The following SPTLC1 variants were observed in gnomAD, a reference collection of about 807,000 sequenced individuals.
The protein encoded by SPTLC1 is serine palmitoyltransferase 1.
In SPTLC1, 55 loss-of-function variants were observed where a neutral mutation model predicts 68.9. The ratio of observed to expected loss-of-function variants is 0.80; its 90% confidence interval spans 0.64 to 1.00. SPTLC1 has a LOEUF of 1.00. SPTLC1 is among the 50% of genes least tolerant of loss of function. The probability of loss-of-function intolerance (pLI) is 0.00; values close to 1 mark genes in which losing one functional copy is unlikely to be tolerated. For missense variants in SPTLC1, 449 were observed against 573.1 expected (o/e 0.78, Z 2.21); for synonymous variants, 197 against 201.6 (o/e 0.98, Z 0.19).
chr9:92,063,619 A>T (rs1405325867), intron 6 of SPTLC1, among the ~76,000 whole-genome samples: 1 of 152,172 alleles, frequency 6.6e-6, no homozygotes, highest in East Asian at 1.9e-4. Flanking sequence ...AAGACTGGCA[A>T]ATCGAATTTA....
chr9:92,033,970 C>A (rs1217739577), intron 14 of SPTLC1, among the ~76,000 whole-genome samples: 4 of 152,228 alleles, frequency 2.6e-5, no homozygotes, highest in Admixed American at 6.5e-5. Context: ...GCCTCCCTGA[C>A]TTGGCACCTG....
chr9:92,037,356 T>C (rs1439419102), intron 13 of SPTLC1, among the ~76,000 whole-genome samples: 1 of 152,202 alleles, frequency 6.6e-6, no homozygotes, highest in Non-Finnish European at 1.5e-5. Flanking sequence ...ATCATGCCCA[T>C]TTTCATTCTC....
chr9:92,104,290 T>C (rs1835870533), intron 3 of SPTLC1: 2 of 1,369,760 alleles, frequency 1.5e-6, no homozygotes, highest in Non-Finnish European at 1.9e-6. Flanking sequence ...CCGTGAGGCC[T>C]TCCCAGCTGG....
intron 3 of SPTLC1, chr9:92,105,085 G>A (rs200490386): frequency 0.027 from 40,810 of 1,532,482 alleles, 834 homozygotes; most frequent in South Asian, 0.082. Flanking sequence ...TGCTGATGGT[G>A]GGGGAGGACA....
At chr9:92,105,721 C>T (rs1189437096) in intron 3 of SPTLC1, among the ~76,000 whole-genome samples, 3 of 150,412 alleles carry the variant, frequency 2.0e-5, no homozygotes, top group African/African-American at 4.9e-5. Context: ...TCTGCCTGGC[C>T]GCCTCACAGC....
intron 3 of SPTLC1, chr9:92,104,842 G>A: frequency 6.5e-7 from 1 of 1,530,734 alleles, no homozygotes; most frequent in South Asian, 1.2e-5. Flanking sequence ...TCCACCTCAA[G>A]AGCTTGACAG....
chr9:92,114,984 A>T, intron 1 of SPTLC1: 1 of 435,166 alleles, frequency 2.3e-6, no homozygotes, highest in South Asian at 2.4e-5. Context: ...ACTCATTTTC[A>T]CCACTCCGTT....
chr9:92,043,769 A>C (rs1314244460), intron 12 of SPTLC1, among the ~76,000 whole-genome samples: 1 of 152,108 alleles, frequency 6.6e-6, no homozygotes, highest in Non-Finnish European at 1.5e-5. Context: ...ACTGCTGTTC[A>C]ATGTATTTTT....
chr9:92,076,279 C>T (rs1317231794), intron 5 of SPTLC1, among the ~76,000 whole-genome samples: 1 of 152,168 alleles, frequency 6.6e-6, no homozygotes, highest in East Asian at 1.9e-4. Context: ...CTCCTTCCAG[C>T]CAAAGCCAGA....
In SPTLC1 at chr9:92,059,126, A is replaced by C. The variant is rs143079919; in HGVS notation, c.690+53T>G. The C allele has an allele frequency of 2.1e-4, 342 of 1,592,852 alleles. 1 individual carries two copies. The Middle Eastern group carries it at 2.5e-3, about 12-fold the overall frequency. On this transcript the variant is annotated intron_variant, in intron 7 of 14. Transcript: ENST00000262554. ...CAAATTACCATTTCATATATAATTT[A>C]GCTGGTTAGAAAGTACAAAAGAACT...
At chr9:92,101,933 G>A (rs577123927) in intron 3 of SPTLC1, among the ~76,000 whole-genome samples, 6 of 152,102 alleles carry the variant, frequency 3.9e-5, no homozygotes, top group Admixed American at 2.0e-4. Flanking sequence ...ATCCAGTTCC[G>A]TGAAGCTTAA....
chr9:92,040,754 T>A, intron 12 of SPTLC1, among the ~76,000 whole-genome samples: 1 of 146,906 alleles, frequency 6.8e-6, no homozygotes, highest in Non-Finnish European at 1.5e-5. Context: ...CAAGACTCTG[T>A]CTCAAAAGAA....
At position 92,038,695 on chromosome 9, in the gene SPTLC1, T is replaced by G. The variant is rs1042171607; in HGVS notation, c.1137-330A>C. The stretch of plus-strand genomic sequence containing the variant: ...TGTCATTCCCTTGCCATGTGCTCCC[T>G]CGCCCCCAATGTTTGTTCTTCCCTG... On this transcript the variant is annotated intron_variant, in intron 12 of 14. Transcript: ENST00000262554. 6.6e-5 allele frequency among the ~76,000 whole-genome samples: 10 copies of G among 152,326 alleles called. No homozygotes were observed. In the East Asian group the frequency reaches 1.9e-3, roughly 29 times the overall value.
At chr9:92,088,291 G>A (rs1158293815) in intron 3 of SPTLC1, among the ~76,000 whole-genome samples, 1 of 152,266 alleles carries the variant, frequency 6.6e-6, no homozygotes, top group Non-Finnish European at 1.5e-5. Context: ...CTAGTGAGAT[G>A]AACCCAGTAC....
chr9:92,085,158 G>A (rs1177195000), intron 3 of SPTLC1, among the ~76,000 whole-genome samples: 2 of 151,142 alleles, frequency 1.3e-5, no homozygotes, highest in Non-Finnish European at 2.9e-5. Context: ...CTTGCTAGCG[G>A]TCTATCAATT....
chr9:92,048,167 A>T (rs1047230593), intron 9 of SPTLC1, among the ~76,000 whole-genome samples: 1 of 152,178 alleles, frequency 6.6e-6, no homozygotes, highest in Admixed American at 6.5e-5. Context: ...TTCATAAGTC[A>T]ATTTATCCAA....
At chr9:92,049,909 A>C (rs755577957) in intron 9 of SPTLC1, 51 bp downstream of exon 9, 1 of 1,170,818 alleles carries the variant, frequency 8.5e-7, no homozygotes, top group Non-Finnish European at 1.3e-6. Flanking sequence ...GCAGAATGGA[A>C]CTACATGTCT....
At chr9:92,066,162 CT>C (rs1270533498) in intron 6 of SPTLC1, among the ~76,000 whole-genome samples, 2 of 152,068 alleles carry the variant, frequency 1.3e-5, no homozygotes, top group African/African-American at 4.8e-5. Flanking sequence ...AAATTATAAA[CT>C]GTTACAAGCT....
At chr9:92,052,450 G>GT (rs1382835826) in intron 8 of SPTLC1, among the ~76,000 whole-genome samples, 1 of 151,936 alleles carries the variant, frequency 6.6e-6, no homozygotes, top group Non-Finnish European at 1.5e-5. Flanking sequence ...AGACCTAAAT[G>GT]TAAGACTGAA....
Sources: gnomAD v4.1 joint callset for allele counts (sites outside exome capture counted in the v4.1 genomes callset) on GRCh38, gnomAD v4.1.1 for gene constraint, MANE v1.5 for transcripts, NCBI Gene and HGNC (gene_info 2026-07-23, HGNC 2026-07-21) for gene names.